CNTN6: variants seen among roughly 807,000 people sequenced by gnomAD.
CNTN6 encodes contactin-6.
In CNTN6, 137 loss-of-function variants were observed where a neutral mutation model predicts 122.8. That is an observed-to-expected ratio of 1.12 (90% CI 0.97 to 1.29). CNTN6 has a LOEUF of 1.29. CNTN6 is among the 50% of genes most tolerant of loss of function. CNTN6 has a pLI of 0.00. For missense variants in CNTN6, 1,634 were observed against 1,223.4 expected (o/e 1.34, Z -5.01); for synonymous variants, 570 against 426.0 (o/e 1.34, Z -4.16).
intron 4 of CNTN6, among the ~76,000 whole-genome samples, chr3:1,239,455 A>G (rs2313870): frequency 0.15 from 23,219 of 152,086 alleles, 1,949 homozygotes; most frequent in African/African-American, 0.2. Flanking sequence ...ACTTAGGAAT[A>G]TATCTAATCA....
intron 2 of CNTN6, among the ~76,000 whole-genome samples, chr3:1,156,920 T>G (rs181102993): frequency 6.6e-6 from 1 of 152,082 alleles, no homozygotes; most frequent in African/African-American, 2.4e-5. Context: ...TCTCACTGTG[T>G]TGCTCAGGCT....
At chr3:1,130,917 AACTT>A (rs760721147) in intron 1 of CNTN6, among the ~76,000 whole-genome samples, 6 of 152,150 alleles carry the variant, frequency 3.9e-5, no homozygotes, top group East Asian at 3.9e-4. Context: ...ATTAAGATGG[AACTT>A]ACTTACTGTA....
intron 4 of CNTN6, among the ~76,000 whole-genome samples, chr3:1,257,593 G>T (rs896275869): frequency 3.9e-5 from 6 of 152,112 alleles, no homozygotes; most frequent in African/African-American, 1.4e-4. Flanking sequence ...AAGTAGTTCA[G>T]TGTTGACAGA....
At chr3:1,174,417 G>A (rs2093412568) in intron 2 of CNTN6, among the ~76,000 whole-genome samples, 2 of 152,116 alleles carry the variant, frequency 1.3e-5, no homozygotes, top group Admixed American at 1.3e-4. Context: ...GATGGAATCT[G>A]AAACTCAAAC....
intron 1 of CNTN6, among the ~76,000 whole-genome samples, chr3:1,103,259 C>G (rs764180846): frequency 6.6e-6 from 1 of 152,164 alleles, no homozygotes; most frequent in Non-Finnish European, 1.5e-5. Flanking sequence ...CCTAAACATG[C>G]TCAGTTGTGA....
intron 20 of CNTN6, among the ~76,000 whole-genome samples, chr3:1,392,483 G>A (rs1265944959): frequency 9.2e-5 from 14 of 151,854 alleles, no homozygotes; most frequent in Non-Finnish European, 1.3e-4. Flanking sequence ...TACCATTCAG[G>A]ACATAGGCAT....
chr3:1,309,520 C>A (rs949496642), intron 7 of CNTN6, among the ~76,000 whole-genome samples: 1 of 152,212 alleles, frequency 6.6e-6, no homozygotes, highest in Non-Finnish European at 1.5e-5. Context: ...GCCTCAATTA[C>A]TGTAGCTTTA....
At chr3:1,136,027 A>G (rs1253656932) in intron 1 of CNTN6, among the ~76,000 whole-genome samples, 1 of 152,166 alleles carries the variant, frequency 6.6e-6, no homozygotes, top group East Asian at 1.9e-4. Flanking sequence ...GTGTGGTTAG[A>G]GAGTCACTGA....
chr3:1,339,697 G>T (rs974520251), intron 11 of CNTN6, among the ~76,000 whole-genome samples: 1 of 152,106 alleles, frequency 6.6e-6, no homozygotes, highest in Non-Finnish European at 1.5e-5. Flanking sequence ...CAGACTTGGT[G>T]TCATTTCAGA....
At chr3:1,100,192 C>G (rs951089104) in intron 1 of CNTN6, among the ~76,000 whole-genome samples, 1 of 152,118 alleles carries the variant, frequency 6.6e-6, no homozygotes, top group Non-Finnish European at 1.5e-5. Context: ...TAAGGTCATT[C>G]AAAAATTGTT....
chr3:1,260,025 A>G (rs1274640283), intron 4 of CNTN6, among the ~76,000 whole-genome samples: 1 of 152,152 alleles, frequency 6.6e-6, no homozygotes, highest in African/African-American at 2.4e-5. Flanking sequence ...CTTAAGGGTC[A>G]TGTAGGCCAT....
intron 2 of CNTN6, among the ~76,000 whole-genome samples, chr3:1,186,541 C>T (rs1455975150): frequency 6.6e-6 from 1 of 152,168 alleles, no homozygotes; most frequent in African/African-American, 2.4e-5. Flanking sequence ...CTCTGCATCC[C>T]ACTTAGGTGT....
At chr3:1,112,552 A>G (rs2091529717) in intron 1 of CNTN6, among the ~76,000 whole-genome samples, 1 of 152,030 alleles carries the variant, frequency 6.6e-6, no homozygotes, top group African/African-American at 2.4e-5. Context: ...GCAGAGACCA[A>G]TTCACCTTTT....
At chr3:1,379,179 A>G (rs1428551170) in intron 17 of CNTN6, among the ~76,000 whole-genome samples, 1 of 124,360 alleles carries the variant, frequency 8.0e-6, no homozygotes, top group Non-Finnish European at 1.7e-5. Context: ...GATGAGCATG[A>G]ATTACCAAAG....
chr3:1,096,009 G>A (rs1017099877), intron 1 of CNTN6, among the ~76,000 whole-genome samples: 1 of 152,116 alleles, frequency 6.6e-6, no homozygotes, highest in African/African-American at 2.4e-5. Context: ...AATAGTCATA[G>A]GTGCTATATT....
At chr3:1,352,270 G>A (rs766919002) in intron 11 of CNTN6, 54 bp from the exon 12 acceptor site, 4 of 1,398,716 alleles carry the variant, frequency 2.9e-6, no homozygotes, top group Non-Finnish European at 3.8e-6. Context: ...AAGCACTTAT[G>A]ATTTACCAGT....
intron 2 of CNTN6, among the ~76,000 whole-genome samples, chr3:1,168,890 T>C (rs1264453382): frequency 6.6e-6 from 1 of 152,176 alleles, no homozygotes; most frequent in Non-Finnish European, 1.5e-5. Flanking sequence ...TTTAAGAAAA[T>C]ACAAGTTTTG....
intron 7 of CNTN6, among the ~76,000 whole-genome samples, chr3:1,312,202 A>G (rs966627472): frequency 6.6e-6 from 1 of 152,070 alleles, no homozygotes; most frequent in African/African-American, 2.4e-5. Context: ...CTAATGTCAA[A>G]CATTCCTTTC....
intron 11 of CNTN6, among the ~76,000 whole-genome samples, chr3:1,351,359 G>A (rs1705599058): frequency 6.6e-6 from 1 of 151,908 alleles, no homozygotes; most frequent in South Asian, 2.1e-4. Context: ...TAAAACTGTT[G>A]TTAAAAATTA....
Sources: gnomAD v4.1 joint callset for allele counts (sites outside exome capture counted in the v4.1 genomes callset) on GRCh38, gnomAD v4.1.1 for gene constraint, MANE v1.5 for transcripts, NCBI Gene and HGNC (gene_info 2026-07-23, HGNC 2026-07-21) for gene names.